The following RPRD1A variants were observed in gnomAD, a reference collection of about 807,000 sequenced individuals.
RPRD1A encodes the protein regulation of nuclear pre-mRNA domain containing 1A, also known as regulation of nuclear pre-mRNA domain-containing protein 1A.
In RPRD1A, 9 loss-of-function variants were observed where a neutral mutation model predicts 37.8. The ratio of observed to expected loss-of-function variants is 0.24; its 90% CI spans 0.14 to 0.42. The LOEUF is 0.42. Among genes scored for constraint, RPRD1A ranks in the 10% least tolerant of loss-of-function variants. RPRD1A has a pLI of 1.00. For synonymous variants in RPRD1A, 138 were observed against 139.7 expected, an observed-to-expected ratio of 0.99 and a Z score of 0.08; for missense variants, 255 against 371.0, an observed-to-expected ratio of 0.69 and a Z score of 2.57.
intron 6 of RPRD1A, among the ~76,000 whole-genome samples, chr18:36,022,444 T>C (rs1911058059): frequency 6.6e-6 from 1 of 152,170 alleles, no homozygotes; most frequent in South Asian, 2.1e-4. Context: ...AATGCCTGCC[T>C]TCAAAGCTTC....
intron 6 of RPRD1A, among the ~76,000 whole-genome samples, chr18:35,996,254 TAA>T (rs1568110491): frequency 6.6e-6 from 1 of 152,060 alleles, no homozygotes; most frequent in Non-Finnish European, 1.5e-5. Flanking sequence ...AAAATTATTC[TAA>T]AATTAAAACT....
At chr18:36,019,099 T>C (rs565651201) in intron 6 of RPRD1A, among the ~76,000 whole-genome samples, 12 of 148,852 alleles carry the variant, frequency 8.1e-5, no homozygotes, top group East Asian at 4.0e-4. Flanking sequence ...ATGGGGACCA[T>C]TGATTTTTTT....
At chr18:35,997,958 A>T (rs547075164) in intron 6 of RPRD1A, among the ~76,000 whole-genome samples, 1 of 152,358 alleles carries the variant, frequency 6.6e-6, no homozygotes, top group South Asian at 2.1e-4. Context: ...TGTTATTTAC[A>T]TAATATTTAA....
At chr18:36,000,552 C>T (rs1018276034) in intron 6 of RPRD1A, among the ~76,000 whole-genome samples, 3 of 152,088 alleles carry the variant, frequency 2.0e-5, no homozygotes, top group African/African-American at 7.2e-5. Flanking sequence ...TTTGAAAAAC[C>T]GGTAATGTTA....
intron 1 of RPRD1A, chr18:36,063,996 GCTAAAAGCACATCTT>G (rs1389746609): frequency 6.6e-6 from 1 of 152,198 alleles, no homozygotes; most frequent in Non-Finnish European, 1.5e-5. Context: ...CACAAACCTT[GCTAAAAGCACATCTT>G]ACAATTTTAC....
intron 6 of RPRD1A, among the ~76,000 whole-genome samples, chr18:35,994,772 A>G (rs1908922976): frequency 6.6e-6 from 1 of 152,176 alleles, no homozygotes; most frequent in Non-Finnish European, 1.5e-5. Flanking sequence ...GTTTATATAA[A>G]TAATCTACAA....
intron 1 of RPRD1A, among the ~76,000 whole-genome samples, chr18:36,036,392 T>G (rs1164107110): frequency 6.6e-6 from 1 of 152,106 alleles, no homozygotes; most frequent in Non-Finnish European, 1.5e-5. Context: ...TTTTTTAAAT[T>G]CATGGGTTAT....
chr18:35,998,142 T>C (rs1909196481), intron 6 of RPRD1A, among the ~76,000 whole-genome samples: 2 of 152,170 alleles, frequency 1.3e-5, no homozygotes, highest in Admixed American at 1.3e-4. Flanking sequence ...GCGGATCACC[T>C]GAGGTCACGA....
chr18:36,065,923 T>A (rs1251348851), intron 1 of RPRD1A, among the ~76,000 whole-genome samples: 14 of 152,158 alleles, frequency 9.2e-5, no homozygotes, highest in Non-Finnish European at 1.5e-4. Flanking sequence ...AGTCTGGGTA[T>A]CAACCCTATA....
At position 36,067,419 on chromosome 18, in the gene RPRD1A, G is replaced by A; in HGVS notation, c.-15C>T. 3 of 1,601,644 alleles carry A rather than the reference G, an allele frequency of 1.9e-6. No homozygotes were observed. Among genetic ancestry groups the A allele is most frequent in the Non-Finnish European group, 2.6e-6 (3 of 1,174,210 alleles). ...AAGGCTGACATCCCTCCGACACCAC[G>A]TTCACGCCGTCCCACGCGGTGGGGC... On this transcript the variant is annotated 5_prime_UTR_variant, in exon 1 of 7. It adds an upstream start codon to the 5' untranslated region. Coordinates refer to ENST00000399022, the MANE Select transcript of RPRD1A (RefSeq NM_018170.5).
At chr18:36,048,234 T>C (rs1056306497) in intron 1 of RPRD1A, among the ~76,000 whole-genome samples, 1 of 151,970 alleles carries the variant, frequency 6.6e-6, no homozygotes, top group Non-Finnish European at 1.5e-5. Flanking sequence ...ACCTGGCTAA[T>C]TTTGTATTTT....
At chr18:36,008,571 G>GTCTATATATATATATATA (rs1359543093) in intron 6 of RPRD1A, among the ~76,000 whole-genome samples, 2 of 27,940 alleles carry the variant, frequency 7.2e-5, no homozygotes, top group African/African-American at 3.4e-4. Flanking sequence ...GCAAGACCTT[G>GTCTATATATATATATATA]TGTGTGTATA....
At chr18:36,031,871 C>A (rs559450975) in intron 2 of RPRD1A, among the ~76,000 whole-genome samples, 1 of 152,220 alleles carries the variant, frequency 6.6e-6, no homozygotes, top group African/African-American at 2.4e-5. Flanking sequence ...TTACTCTGGG[C>A]CATAAGGCCC....
In RPRD1A at chr18:36,051,650, G is replaced by A. The variant is rs1316272010; in HGVS notation, c.151+15604C>T. The stretch of plus-strand genomic sequence containing the variant: ...TGCTAGGTTCTGAGGGAATAAAGAA[G>A]TAAGTTCAGTCCTCCAATAATAAGA... On this transcript the variant is annotated intron_variant, in intron 1 of 6. Coordinates refer to ENST00000399022, the MANE Select transcript of RPRD1A (RefSeq NM_018170.5). Among the ~76,000 whole-genome samples, 3 of 152,136 alleles carry A rather than the reference G, an allele frequency of 2.0e-5. No individual in the cohort carries two copies. In the East Asian group the frequency reaches 5.8e-4, roughly 29 times the overall value.
At chr18:36,040,411 G>GA (rs1332768581) in intron 1 of RPRD1A, among the ~76,000 whole-genome samples, 1 of 152,158 alleles carries the variant, frequency 6.6e-6, no homozygotes, top group Non-Finnish European at 1.5e-5. Context: ...CTCCCCTCAT[G>GA]ACCTAATGAA....
rs573754672 is a variant in RPRD1A at position 35,992,877 on chromosome 18, CA to C, written c.*273del. Reference sequence around the variant, plus strand: ...AGAGATTTCTCACAAGGCCTTGGATCAAAAAAAAAATTTACAAAAAGATCTT... The same window carrying C: ...AGAGATTTCTCACAAGGCCTTGGATCAAAAAAAAATTTACAAAAAGATCTT... On this transcript the variant is annotated 3_prime_UTR_variant, in exon 7 of 7. Transcript: ENST00000399022. 0.018 allele frequency: 4,410 copies of C among 249,632 alleles called. 30 individuals are homozygous for C. The highest frequency in any genetic ancestry group is 0.024 in the Non-Finnish European group (3,266 of 134,018). The allele number at this position is 249,632 out of a possible 1,614,324, so 15.5% of individuals were successfully genotyped here. A position where few individuals can be genotyped will look rare whatever the true frequency, so the allele number is the denominator to read the frequency against.
chr18:36,033,299 C>CAAAA (rs71166085), intron 2 of RPRD1A, among the ~76,000 whole-genome samples: 3 of 75,936 alleles, frequency 4.0e-5, no homozygotes, highest in African/African-American at 5.8e-5. Flanking sequence ...GACTCTGTCT[C>CAAAA]AAAAAAAAAA....
chr18:36,060,902 G>GA (rs1276138659), intron 1 of RPRD1A, among the ~76,000 whole-genome samples: 1 of 152,016 alleles, frequency 6.6e-6, no homozygotes, highest in Non-Finnish European at 1.5e-5. Context: ...GCTGAGGCAG[G>GA]AAGATCACCT....
intron 1 of RPRD1A, among the ~76,000 whole-genome samples, chr18:36,038,537 A>C (rs1474699225): frequency 6.6e-6 from 1 of 152,256 alleles, no homozygotes; most frequent in Non-Finnish European, 1.5e-5. Flanking sequence ...CAGAGCCCTC[A>C]TGGAGAATCT....
Sources: gnomAD v4.1 joint callset for allele counts (sites outside exome capture counted in the v4.1 genomes callset) on GRCh38, gnomAD v4.1.1 for gene constraint, MANE v1.5 for transcripts, NCBI Gene and HGNC (gene_info 2026-07-23, HGNC 2026-07-21) for gene names.